Variants in KLK1 observed in about 807,000 individuals in gnomAD.
KLK1 encodes the protein kallikrein-1.
Under a neutral mutation model 23.3 loss-of-function variants are expected in KLK1, and 22 were observed. The observed-to-expected ratio is 0.95, with a 90% CI of 0.68 to 1.35. The LOEUF (loss-of-function observed/expected upper bound fraction) is 1.35. Ranked by LOEUF, KLK1 falls within the 40% of genes most tolerant of loss-of-function variation. The probability of loss-of-function intolerance (pLI) is 0.00; values close to 1 mark genes in which losing one functional copy is unlikely to be tolerated. For missense variants in KLK1, 301 were observed against 338.9 expected, an observed-to-expected ratio of 0.89 and a Z score of 0.88; for synonymous variants, 140 against 135.8, an observed-to-expected ratio of 1.03 and a Z score of -0.21.
At position 50,821,362 on chromosome 19, in the gene KLK1, T is replaced by G. The variant is rs372095871; in HGVS notation, c.206+350A>C. 6.7e-6 allele frequency among the ~76,000 whole-genome samples: 1 copy of G among 150,178 alleles called. No homozygotes were observed. Among genetic ancestry groups the G allele is most frequent in the Admixed American group, 6.6e-5 (1 of 15,112 alleles). On this transcript the variant is annotated intron_variant, in intron 2 of 4. Transcript: ENST00000301420. This position sits in a 1 kb window ranked among gnomAD's most constrained non-coding sequence, Gnocchi z 5.6. ...AGGTAGAGACCCAGAGAGAGAGAGATGGGTAGAGAGATGGAGGGTGAGACA... is the reference window on the plus strand; with the variant it reads ...AGGTAGAGACCCAGAGAGAGAGAGAGGGGTAGAGAGATGGAGGGTGAGACA...
chr19:50,819,223 TC>T lies in KLK1; in HGVS notation c.759del (p.Trp253Ter). The T allele has an allele frequency of 2.5e-6, 4 of 1,613,958 alleles. No homozygotes were observed. Among genetic ancestry groups the T allele is most frequent in the Non-Finnish European group, 3.4e-6 (4 of 1,179,920 alleles). On this transcript the variant is annotated frameshift_variant, in exon 5 of 5. Coordinates refer to ENST00000301420, the MANE Select transcript of KLK1 (RefSeq NM_002257.4). LOFTEE classifies it low-confidence loss of function (END_TRUNC). Reference sequence around the variant, plus strand: ...GAGTTCTCCGCTATGGTGTCCTCGATCCACTTCACATAAGACAGCACTCTGA... The same window carrying T: ...GAGTTCTCCGCTATGGTGTCCTCGATCACTTCACATAAGACAGCACTCTGA... ...VAVRVLSYVK[W>X]IEDTIAENS
Position 50,821,688 on chromosome 19 carries a change from C to T in KLK1, c.206+24G>A. ...CCTGTGGCAGCATAGATGCCCTCCTCCCAGACCCCAGGCCCCTACTCACTC... is the reference window on the plus strand; with the variant it reads ...CCTGTGGCAGCATAGATGCCCTCCTTCCAGACCCCAGGCCCCTACTCACTC... On this transcript the variant is annotated intron_variant, in intron 2 of 4. Coordinates refer to ENST00000301420, the MANE Select transcript of KLK1 (RefSeq NM_002257.4). This position sits in a 1 kb window ranked among gnomAD's most constrained non-coding sequence, Gnocchi z 5.6. The T allele has an allele frequency of 2.6e-6, 4 of 1,562,366 alleles. No individual in the cohort carries two copies. Among genetic ancestry groups the T allele is most frequent in the Non-Finnish European group, 3.5e-6 (4 of 1,150,634 alleles).
At chr19:50,822,963 A>T in intron 1 of KLK1, 1 of 975,322 alleles carries the variant, frequency 1.0e-6, no homozygotes, top group Non-Finnish European at 1.2e-6. Flanking sequence ...CTGTGTAGGA[A>T]CAATTCAGGC....
In KLK1 at chr19:50,819,212, G is replaced by A. The variant is rs1456199084; in HGVS notation, c.771C>T (p.Thr257=). The A allele has an allele frequency of 6.2e-7, 1 of 1,613,680 alleles. No homozygotes were observed. Among genetic ancestry groups the A allele is most frequent in the East Asian group, 2.2e-5 (1 of 44,864 alleles). The change falls in exon 5 of 5, where the codon ACC becomes ACT. Residue 257 remains threonine, a synonymous_variant. Coordinates refer to ENST00000301420, the MANE Select transcript of KLK1 (RefSeq NM_002257.4). The part of the protein sequence containing the change: ...VLSYVKWIED[T]IAENS The stretch of plus-strand genomic sequence containing the variant: ...TGGGCGTTCAGGAGTTCTCCGCTAT[G>A]GTGTCCTCGATCCACTTCACATAAG...
In KLK1 at chr19:50,820,007, C is replaced by T. The variant is rs1180375794; in HGVS notation, c.525G>A (p.Val175=). The T allele has an allele frequency of 6.2e-7, 1 of 1,614,196 alleles. No individual in the cohort carries two copies. The highest frequency in any genetic ancestry group is 1.7e-5 in the Admixed American group (1 of 60,020). Reference sequence around the variant, plus strand: ...CATCATTAGGCAGGATTTTGAGGTCCACACACTGGAGATCATCTGGAAATG... The same window carrying T: ...CATCATTAGGCAGGATTTTGAGGTCTACACACTGGAGATCATCTGGAAATG... ...NFSFPDDLQC[V]DLKILPNDEC... The change falls in exon 4 of 5, where the codon GTG becomes GTA. Residue 175 remains valine, a synonymous_variant. Transcript: ENST00000301420.
intron 2 of KLK1, chr19:50,820,903 G>C (rs1014666938): frequency 6.7e-6 from 1 of 149,852 alleles, no homozygotes; most frequent in Non-Finnish European, 1.5e-5. Flanking sequence ...AGGAGTGACC[G>C]AGTGTGGGAG....
rs2089827523 is a variant in KLK1, at chr19:50,821,387, A to G, written c.206+325T>C. On this transcript the variant is annotated intron_variant, in intron 2 of 4. Coordinates refer to ENST00000301420, the MANE Select transcript of KLK1 (RefSeq NM_002257.4). The surrounding 1 kb of genome is among the most constrained non-coding windows in gnomAD (Gnocchi z 5.6). ...TGGGTAGAGAGATGGAGGGTGAGAC[A>G]CAGTGACAGAGATGCCGCAGAGAGA... 6.6e-6 allele frequency among the ~76,000 whole-genome samples: 1 copy of G among 152,166 alleles called. No individual in the cohort carries two copies.
intron 1 of KLK1, chr19:50,822,261 G>A (rs1328026310): frequency 9.9e-7 from 1 of 1,005,138 alleles, no homozygotes; most frequent in East Asian, 1.0e-4. Flanking sequence ...AAGGCGCCAA[G>A]GGTGGGACAG....
In KLK1 at chr19:50,819,213, G is replaced by C. The variant is rs1200162413; in HGVS notation, c.770C>G (p.Thr257Ser). 4 of 1,613,562 alleles carry C rather than the reference G, an allele frequency of 2.5e-6. No homozygotes were observed. Among genetic ancestry groups the C allele is most frequent in the Non-Finnish European group, 3.4e-6 (4 of 1,179,718 alleles). ...VLSYVKWIED[T>S]IAENS The stretch of plus-strand genomic sequence containing the variant: ...GGGCGTTCAGGAGTTCTCCGCTATG[G>C]TGTCCTCGATCCACTTCACATAAGA... The change falls in exon 5 of 5, where the codon ACC becomes AGC. Residue 257 changes from threonine (T) to serine (S), a missense_variant. Physicochemically the swap from Thr to Ser is moderately conservative, Grantham distance 58. Transcript: ENST00000301420.
intron 1 of KLK1, chr19:50,822,217 G>A (rs2089832700): frequency 1.9e-6 from 2 of 1,035,634 alleles, no homozygotes; most frequent in South Asian, 4.3e-5. Context: ...TGGTGGGTTA[G>A]GGGAGTGGAA....
chr19:50,819,170 G>C lies in KLK1; in HGVS notation c.*24C>G, dbSNP rs1021973941. ...ATTGGATGCACATTTGATTTTACTGGGGGTAGGGGACAGGGCTGGGCGTTC... is the reference window on the plus strand; with the variant it reads ...ATTGGATGCACATTTGATTTTACTGCGGGTAGGGGACAGGGCTGGGCGTTC... On this transcript the variant is annotated 3_prime_UTR_variant, in exon 5 of 5. Transcript: ENST00000301420. 5 of 1,586,938 alleles carry C rather than the reference G, an allele frequency of 3.2e-6. No homozygotes were observed. The highest frequency in any genetic ancestry group is 1.7e-5 in the Admixed American group (1 of 57,826).
chr19:50,820,492 G>A (rs1349406246), intron 2 of KLK1, 49 bp from the exon 3 acceptor site: 1 of 1,292,130 alleles, frequency 7.7e-7, no homozygotes, highest in Admixed American at 1.9e-5. Context: ...AGGGGAAAAG[G>A]GGATGGGGCA....
Position 50,821,844 on chromosome 19 carries a change from A to G in KLK1, c.74T>C (p.Ile25Thr), listed in dbSNP as rs138378914. 317 of 1,612,390 alleles carry G rather than the reference A, an allele frequency of 2.0e-4. 2 individuals carry two copies. The African/African-American group carries it at 3.4e-3, about 17-fold the overall frequency. Residue 25 changes from isoleucine (I) to threonine (T), a missense_variant, in exon 2 of 5, where the codon ATT (isoleucine) becomes ACT (threonine). Physicochemically the swap from Ile to Thr is moderately conservative, Grantham distance 89 (BLOSUM62 -1). Transcript: ENST00000301420. The surrounding 1 kb of genome is among the most constrained non-coding windows in gnomAD (Gnocchi z 5.6). ...TGAAPPIQSR[I>T]VGGWECEQHS... ...CTGCTCACACTCCCAGCCTCCCACA[A>G]TCCGGGACTGAATCGGGGGCGCAGC...
In KLK1 at chr19:50,819,965, G is replaced by A. The variant is rs3212857; in HGVS notation, c.567C>T (p.His189=). ...ILPNDECKKA[H]VQKVTDFMLC... is the part of the protein sequence containing the mutation. ...GCATGAAGTCTGTCACCTTCTGGACGTGGGCTTTTTTGCACTCATCATTAG... is the reference window on the plus strand; with the variant it reads ...GCATGAAGTCTGTCACCTTCTGGACATGGGCTTTTTTGCACTCATCATTAG... The change falls in exon 4 of 5, where the codon CAC becomes CAT. Residue 189 remains histidine, a synonymous_variant. Coordinates refer to ENST00000301420, the MANE Select transcript of KLK1 (RefSeq NM_002257.4). The A allele has an allele frequency of 5.9e-3, 9,465 of 1,614,056 alleles. 50 individuals are homozygous for A. Among genetic ancestry groups the A allele is most frequent in the Non-Finnish European group, 7.4e-3 (8,711 of 1,179,900 alleles).
intron 1 of KLK1, among the ~76,000 whole-genome samples, chr19:50,823,446 A>G (rs1306943022): frequency 6.6e-6 from 1 of 151,686 alleles, no homozygotes; most frequent in Admixed American, 6.6e-5. Context: ...GGAAGAGGAG[A>G]AAGTACTGAG....
intron 1 of KLK1, chr19:50,822,959 A>G (rs2089837121): frequency 2.0e-6 from 2 of 979,746 alleles, no homozygotes. Context: ...AGAGCTGTGT[A>G]GGAACAATTC....
intron 1 of KLK1, chr19:50,822,916 T>C: frequency 1.0e-6 from 1 of 985,368 alleles, no homozygotes; most frequent in Non-Finnish European, 1.2e-6. Flanking sequence ...TGAGAAGGCA[T>C]TCAGGATCCT....
At position 50,822,691 on chromosome 19, in the gene KLK1, GA is replaced by G. The variant is rs373244338; in HGVS notation, c.47-821del. On this transcript the variant is annotated intron_variant, in intron 1 of 4. Coordinates refer to ENST00000301420, the MANE Select transcript of KLK1 (RefSeq NM_002257.4). ...AGTGGCAGTCCTTCTCGGACAGGGT[GA>G]AGGATGGGATCTTCGTTTCTCATGG... 1,848 of 985,540 alleles carry G rather than the reference GA, an allele frequency of 1.9e-3. 36 individuals carry two copies. In the African/African-American group the frequency reaches 0.029, roughly 16 times the overall value. 61.0% of individuals were successfully genotyped at this position (985,540 alleles called of 1,614,324 possible).
Position 50,820,374 on chromosome 19 carries a change from G to A in KLK1, c.276C>T (p.Val92=), listed in dbSNP as rs1253599958. 3 of 1,613,916 alleles carry A rather than the reference G, an allele frequency of 1.9e-6. No homozygotes were observed. The Admixed American group carries it at 5.0e-5, about 27-fold the overall frequency. Residue 92 remains valine, a synonymous_variant, in exon 3 of 5, where the codon GTC becomes GTT. Transcript: ENST00000301420. ...AGCCAGGGTGTGGGAAGCTCTCACT[G>A]ACATGAACAAACTGGGCTGTGTTTT... The part of the protein sequence containing the change: ...DDENTAQFVH[V]SESFPHPGFN...
Sources: gnomAD v4.1 joint callset for allele counts (sites outside exome capture counted in the v4.1 genomes callset) on GRCh38, gnomAD v4.1.1 for gene constraint, Gnocchi (gnomAD v3.1) non-coding constraint, MANE v1.5 for transcripts, NCBI Gene and HGNC (gene_info 2026-07-23, HGNC 2026-07-21) for gene names.